Variants in SLC44A5 observed in about 807,000 individuals in gnomAD.
The protein encoded by SLC44A5 is solute carrier family 44 member 5.
A neutral mutation model predicts 101.8 loss-of-function variants in SLC44A5; 57 were observed. The observed-to-expected ratio is 0.56, with a 90% CI of 0.45 to 0.70. The LOEUF (loss-of-function observed/expected upper bound fraction) is 0.70. Ranked by LOEUF, SLC44A5 falls within the 30% of genes least tolerant of loss-of-function variation. The pLI is 0.00. For missense variants in SLC44A5, 737 were observed against 853.1 expected, an observed-to-expected ratio of 0.86 and a Z score of 1.70; for synonymous variants, 281 against 290.9, an observed-to-expected ratio of 0.97 and a Z score of 0.35.
chr1:75,238,100 G>T (rs1027477561), intron 10 of SLC44A5, among the ~76,000 whole-genome samples: 11 of 150,780 alleles, frequency 7.3e-5, no homozygotes, highest in Admixed American at 1.3e-4. Context: ...TATACCTGTT[G>T]ATAATGAAAG....
chr1:75,406,034 C>T (rs986776828), intron 2 of SLC44A5, among the ~76,000 whole-genome samples: 5 of 151,980 alleles, frequency 3.3e-5, no homozygotes, highest in Admixed American at 6.6e-5. Flanking sequence ...GGGGATATCA[C>T]CACCGATTCC....
intron 5 of SLC44A5, among the ~76,000 whole-genome samples, chr1:75,293,762 C>T (rs1653752958): frequency 2.0e-5 from 3 of 152,148 alleles, no homozygotes; most frequent in Non-Finnish European, 1.5e-5. Flanking sequence ...GAGCACAAAT[C>T]AATCCCTCTC....
At chr1:75,441,407 G>A (rs1370071556) in intron 2 of SLC44A5, among the ~76,000 whole-genome samples, 2 of 151,582 alleles carry the variant, frequency 1.3e-5, no homozygotes, top group African/African-American at 2.4e-5. Context: ...ACCTTTACAT[G>A]AGAACCACTG....
At chr1:75,475,877 G>C (rs1667361751) in intron 2 of SLC44A5, among the ~76,000 whole-genome samples, 1 of 152,174 alleles carries the variant, frequency 6.6e-6, no homozygotes, top group Non-Finnish European at 1.5e-5. Flanking sequence ...CTGTAAAATG[G>C]AGATAAAAAC....
chr1:75,680,861 C>A, the SLC44A5 span, among the ~76,000 whole-genome samples: 4 of 151,296 alleles, frequency 2.6e-5, no homozygotes, highest in Admixed American at 2.6e-4. Flanking sequence ...TGATAGACGG[C>A]TAGCAAGACT....
chr1:75,394,656 A>C (rs1662012995), intron 3 of SLC44A5, among the ~76,000 whole-genome samples: 1 of 152,236 alleles, frequency 6.6e-6, no homozygotes, highest in South Asian at 2.1e-4. Context: ...GCTGTTGAAG[A>C]ATGTGTCCTA....
At position 75,358,912 on chromosome 1, in the gene SLC44A5, G is replaced by A. The variant is rs115781111; in HGVS notation, c.53-19282C>T. Among the ~76,000 whole-genome samples, 77 of 152,186 alleles carry A rather than the reference G, an allele frequency of 5.1e-4. 1 individual carries two copies. The highest frequency in any genetic ancestry group is 1.6e-3 in the African/African-American group (68 of 41,534). On this transcript the variant is annotated intron_variant, in intron 3 of 23. Transcript: ENST00000370859. ...GTATTATTGACTTAGTCACCCTGCT[G>A]TGCTATAGATCTCAAAATCCTATTC...
chr1:75,655,013 C>A, the SLC44A5 span, among the ~76,000 whole-genome samples: 10 of 152,026 alleles, frequency 6.6e-5, no homozygotes, highest in Admixed American at 5.9e-4. Context: ...AATTTGGGTT[C>A]GTCATCTGGC....
At chr1:75,567,270 C>T (rs531417156) in intron 1 of SLC44A5, among the ~76,000 whole-genome samples, 14 of 151,978 alleles carry the variant, frequency 9.2e-5, no homozygotes, top group African/African-American at 3.4e-4. Flanking sequence ...ACAGCTCCCC[C>T]ACATAGATGA....
intron 2 of SLC44A5, among the ~76,000 whole-genome samples, chr1:75,464,841 A>G (rs1313357223): frequency 6.6e-6 from 1 of 152,192 alleles, no homozygotes; most frequent in Non-Finnish European, 1.5e-5. Context: ...ACAATTTTAA[A>G]TATATATGCA....
rs182206687 is a variant in SLC44A5 at position 75,493,193 on chromosome 1, T to G, written c.13+48242A>C. Among the ~76,000 whole-genome samples, 18 of 152,310 alleles carry G rather than the reference T, an allele frequency of 1.2e-4. No homozygotes were observed. The East Asian group carries it at 3.5e-3, about 29-fold the overall frequency. On this transcript the variant is annotated intron_variant, in intron 2 of 23. Transcript: ENST00000370859. ...TGAGTTAATAAAGCCCCTAATTTTT[T>G]TAAGCTACTTTGCAGATTTCTGACC...
chr1:75,279,081 T>C (rs1020233327), intron 5 of SLC44A5, among the ~76,000 whole-genome samples: 4 of 152,096 alleles, frequency 2.6e-5, no homozygotes, highest in African/African-American at 9.7e-5. Flanking sequence ...TCAAGCTATT[T>C]TGAAATACAC....
chr1:75,600,559 T>C (rs1211937359), intron 1 of SLC44A5, among the ~76,000 whole-genome samples: 2 of 152,154 alleles, frequency 1.3e-5, no homozygotes, highest in Admixed American at 6.6e-5. Context: ...AAGTAGTTTA[T>C]AAAAATAAAT....
At chr1:75,249,291 A>G (rs1364175645) in intron 7 of SLC44A5, among the ~76,000 whole-genome samples, 2 of 152,124 alleles carry the variant, frequency 1.3e-5, no homozygotes, top group Non-Finnish European at 2.9e-5. Flanking sequence ...AACCAAGAAG[A>G]AGCAAAAAAG....
chr1:75,275,105 G>A lies in SLC44A5; in HGVS notation c.176-63C>T. The A allele has an allele frequency of 5.4e-6, 7 of 1,291,698 alleles. No homozygotes were observed. In the South Asian group the frequency reaches 8.7e-5, roughly 16 times the overall value. 80.0% of individuals were successfully genotyped at this position (1,291,698 alleles called of 1,614,324 possible). A position where few individuals can be genotyped will look rare whatever the true frequency, so the allele number is the denominator to read the frequency against. ...AAGCCAGCTAAAGGCAGTTTGATTT[G>A]AGATATTAGAATGCACCACTGCAAC... is the stretch of plus-strand genomic sequence containing the variant. On this transcript the variant is annotated intron_variant, in intron 5 of 23. Coordinates refer to ENST00000370859, the MANE Select transcript of SLC44A5 (RefSeq NM_001130058.2).
chr1:75,604,753 AGG>A (rs1274117526), intron 1 of SLC44A5, among the ~76,000 whole-genome samples: 1 of 57,332 alleles, frequency 1.7e-5, no homozygotes, highest in Admixed American at 2.3e-4. Flanking sequence ...GGTGAAACCA[AGG>A]GGTGTGTGTG....
intron 4 of SLC44A5, among the ~76,000 whole-genome samples, chr1:75,306,733 C>CTTTTTTTTT (rs771955227): frequency 0.033 from 3,348 of 102,244 alleles, 432 homozygotes; most frequent in African/African-American, 0.12. Context: ...GGTTTCCTTT[C>CTTTTTTTTT]TTTTTTTTTT....
rs899435980 is a variant in SLC44A5, at chr1:75,367,529, G to A, written c.53-27899C>T. On this transcript the variant is annotated intron_variant, in intron 3 of 23. Transcript: ENST00000370859. ...TTATTCATCAGACAGGACTGCTCCT[G>A]GATCATGGCTCAGAGGACCTGGAGT... is the stretch of plus-strand genomic sequence containing the variant. 3.3e-5 allele frequency among the ~76,000 whole-genome samples: 5 copies of A among 152,272 alleles called. No homozygotes were observed. The East Asian group carries it at 9.6e-4, about 29-fold the overall frequency.
At chr1:75,610,278 A>C (rs548232141) in intron 1 of SLC44A5, among the ~76,000 whole-genome samples, 1 of 152,156 alleles carries the variant, frequency 6.6e-6, no homozygotes, top group African/African-American at 2.4e-5. Context: ...ATCCTGGAGA[A>C]TTATTTAGAG....
Sources: gnomAD v4.1 joint callset for allele counts (sites outside exome capture counted in the v4.1 genomes callset) on GRCh38, gnomAD v4.1.1 for gene constraint, MANE v1.5 for transcripts, NCBI Gene and HGNC (gene_info 2026-07-23, HGNC 2026-07-21) for gene names.